The following RALGPS1 variants were observed in gnomAD, a reference collection of about 807,000 sequenced individuals.
The protein encoded by RALGPS1 is Ral GEF with PH domain and SH3 binding motif 1, also known as ras-specific guanine nucleotide-releasing factor RalGPS1.
A neutral mutation model predicts 78.8 loss-of-function variants in RALGPS1; 19 were observed. That is an observed-to-expected ratio of 0.24 (90% confidence interval 0.17 to 0.35). The LOEUF (loss-of-function observed/expected upper bound fraction) is 0.35, where lower values mean the gene tolerates loss of function less well. RALGPS1 is among the 10% of genes least tolerant of loss of function. The pLI is 1.00. For synonymous variants in RALGPS1, 228 were observed against 256.3 expected (o/e 0.89, Z 1.06); for missense variants, 454 against 688.3 (o/e 0.66, Z 3.81).
At chr9:127,081,080 A>G (rs1049073369) in intron 8 of RALGPS1, among the ~76,000 whole-genome samples, 1 of 152,220 alleles carries the variant, frequency 6.6e-6, no homozygotes, top group African/African-American at 2.4e-5. Flanking sequence ...TTGCAACTTT[A>G]CAGTGCCTAC....
At chr9:127,129,449 G>GGA (rs1239432286) in intron 8 of RALGPS1, among the ~76,000 whole-genome samples, 1 of 152,162 alleles carries the variant, frequency 6.6e-6, no homozygotes, top group East Asian at 1.9e-4. Context: ...AGTGGGGGGG[G>GGA]ATTCCAACCC....
chr9:127,150,998 A>G (rs921078128), intron 8 of RALGPS1, among the ~76,000 whole-genome samples: 1 of 152,186 alleles, frequency 6.6e-6, no homozygotes, highest in Non-Finnish European at 1.5e-5. Flanking sequence ...CCTGGCCAAC[A>G]TGGTGAAACC....
At chr9:127,216,845 G>GTAGC (rs1564814219) in intron 18 of RALGPS1, 42 of 1,419,334 alleles carry the variant, frequency 3.0e-5, no homozygotes, top group Non-Finnish European at 3.8e-5. Context: ...GGGTCCCTCA[G>GTAGC]TAGCTCTGAG....
At chr9:126,953,020 C>T (rs1429722602) in intron 1 of RALGPS1, among the ~76,000 whole-genome samples, 2 of 152,088 alleles carry the variant, frequency 1.3e-5, no homozygotes, top group Non-Finnish European at 2.9e-5. Flanking sequence ...TTGAAACAAC[C>T]TCCTTAAGCT....
At chr9:127,164,230 C>G (rs2059170007) in intron 8 of RALGPS1, among the ~76,000 whole-genome samples, 1 of 151,906 alleles carries the variant, frequency 6.6e-6, no homozygotes, top group Non-Finnish European at 1.5e-5. Flanking sequence ...TATAGAAAAC[C>G]AAGCTTGTTA....
At chr9:127,093,197 C>A (rs1166109472) in intron 8 of RALGPS1, among the ~76,000 whole-genome samples, 2 of 152,182 alleles carry the variant, frequency 1.3e-5, no homozygotes, top group African/African-American at 4.8e-5. Flanking sequence ...GTCCTGGCAA[C>A]TTTCCCTGCT....
At chr9:127,168,613 A>G (rs2297865) in intron 9 of RALGPS1, 66 bp from the exon 10 acceptor site, 458,315 of 1,070,092 alleles carry the variant, frequency 0.43, 105,588 homozygotes, top group Non-Finnish European at 0.47. Flanking sequence ...TGATTTCTAT[A>G]CTTCTCATCT....
intron 14 of RALGPS1, among the ~76,000 whole-genome samples, chr9:127,199,943 C>A (rs572896183): frequency 6.6e-6 from 1 of 152,132 alleles, no homozygotes; most frequent in African/African-American, 2.4e-5. Flanking sequence ...TACACACATG[C>A]CCTACACACA....
At chr9:127,082,233 G>A (rs1346672210) in intron 8 of RALGPS1, among the ~76,000 whole-genome samples, 2 of 152,216 alleles carry the variant, frequency 1.3e-5, no homozygotes, top group Non-Finnish European at 1.5e-5. Context: ...GTTCGGAGTA[G>A]CAAAGCAGGG....
intron 8 of RALGPS1, among the ~76,000 whole-genome samples, chr9:127,113,545 A>G (rs1334975620): frequency 6.6e-6 from 1 of 151,144 alleles, no homozygotes; most frequent in African/African-American, 2.4e-5. Flanking sequence ...GGACTGAAGA[A>G]GAACTCAACT....
chr9:127,166,590 C>A (rs750880131), intron 9 of RALGPS1, among the ~76,000 whole-genome samples: 4 of 152,146 alleles, frequency 2.6e-5, no homozygotes, highest in Non-Finnish European at 4.4e-5. Context: ...CTGCTGTCTC[C>A]CATGGCCTCA....
At chr9:127,049,910 A>G in intron 5 of RALGPS1, 133 bp from the exon 6 acceptor site, 1 of 691,368 alleles carries the variant, frequency 1.4e-6, no homozygotes, top group Non-Finnish European at 2.6e-6. Context: ...ATGTGACCCC[A>G]GGCTATCCTC....
At chr9:126,970,344 T>TA (rs1354046656) in intron 3 of RALGPS1, among the ~76,000 whole-genome samples, 2 of 152,112 alleles carry the variant, frequency 1.3e-5, no homozygotes, top group Non-Finnish European at 2.9e-5. Flanking sequence ...TTGATAGACT[T>TA]GAGAATAAGA....
chr9:127,050,892 C>T (rs968592168), intron 6 of RALGPS1, among the ~76,000 whole-genome samples: 4 of 152,318 alleles, frequency 2.6e-5, no homozygotes, highest in Non-Finnish European at 5.9e-5. Flanking sequence ...CTGCCCTTTA[C>T]GAGCCAGGCA....
At chr9:127,005,766 A>G (rs1198360957) in intron 4 of RALGPS1, among the ~76,000 whole-genome samples, 1 of 152,202 alleles carries the variant, frequency 6.6e-6, no homozygotes, top group African/African-American at 2.4e-5. Flanking sequence ...ACTTAACCAG[A>G]TATTTTTGGC....
Position 127,218,010 on chromosome 9 carries a change from A to G in RALGPS1, c.1645-730A>G, listed in dbSNP as rs1217167999. Among the ~76,000 whole-genome samples the G allele has an allele frequency of 2.0e-5, 3 of 152,198 alleles. No homozygotes were observed. Among genetic ancestry groups the G allele is most frequent in the African/African-American group, 7.2e-5 (3 of 41,434 alleles). On this transcript the variant is annotated intron_variant, in intron 18 of 18. Transcript: ENST00000259351. This position sits in a 1 kb window ranked among gnomAD's most constrained non-coding sequence, Gnocchi z 4.4. ...CATTCTTATAACTGTCTCCTGGTAC[A>G]TGGAGATGCATTTTTTTCCTAATTC... is the stretch of plus-strand genomic sequence containing the variant.
At chr9:127,051,243 G>C (rs531519981) in intron 6 of RALGPS1, among the ~76,000 whole-genome samples, 1 of 152,230 alleles carries the variant, frequency 6.6e-6, no homozygotes, top group Admixed American at 6.5e-5. Flanking sequence ...GAGAAAGTAG[G>C]ATGTGGTTCC....
rs113413659 is a variant in RALGPS1, at chr9:126,958,142, A to AAAAAATATATATAT, written c.-65-4082_-65-4081insAAAATATATATATA. On this transcript the variant is annotated intron_variant, in intron 1 of 18. Coordinates refer to ENST00000259351, the MANE Select transcript of RALGPS1 (RefSeq NM_014636.3). ...CTGTCTCTTTAAAAAAAAAAAAAAA[A>AAAAAATATATATAT]ATATATATATATATATACACACACA... Among the ~76,000 whole-genome samples, 375 of 76,704 alleles carry AAAAAATATATATAT rather than the reference A, an allele frequency of 4.9e-3. 1 individual carries two copies. Among genetic ancestry groups the AAAAAATATATATAT allele is most frequent in the Non-Finnish European group, 7.8e-3 (281 of 36,004 alleles). The allele number at this position is 76,704 out of a possible 152,430, so 50.3% of individuals were successfully genotyped here.
Position 127,221,130 on chromosome 9 carries a change from C to T in RALGPS1, c.*2361C>T, listed in dbSNP as rs868296227. 6.6e-6 allele frequency: 1 copy of T among 152,260 alleles called. No individual in the cohort carries two copies. The highest frequency in any genetic ancestry group is 2.4e-5 in the African/African-American group (1 of 41,446). 9.4% of individuals were successfully genotyped at this position (152,260 alleles called of 1,614,324 possible). A position where few individuals can be genotyped will look rare whatever the true frequency, so the allele number is the denominator to read the frequency against. ...AGCTAAAGCTGGAAGACACTCAGCT[C>T]TCTAAGCAGGGGCTCGGCCAAACAT... On this transcript the variant is annotated 3_prime_UTR_variant, in exon 19 of 19. Transcript: ENST00000259351.
Sources: gnomAD v4.1 joint callset for allele counts (sites outside exome capture counted in the v4.1 genomes callset) on GRCh38, gnomAD v4.1.1 for gene constraint, Gnocchi (gnomAD v3.1) non-coding constraint, MANE v1.5 for transcripts, NCBI Gene and HGNC (gene_info 2026-07-23, HGNC 2026-07-21) for gene names.